The following RFPL1 variants were observed in gnomAD, a reference collection of about 807,000 sequenced individuals.
The protein encoded by RFPL1 is ret finger protein-like 1.
Under a neutral mutation model 9.6 loss-of-function variants are expected in RFPL1, and 6 were observed. The ratio of observed to expected loss-of-function variants is 0.62; its 90% CI spans 0.34 to 1.23. The LOEUF (loss-of-function observed/expected upper bound fraction) is 1.23, where lower values mean the gene tolerates loss of function less well. RFPL1 is among the 50% of genes most tolerant of loss of function. The pLI, the probability that RFPL1 is intolerant of heterozygous loss-of-function variation, is 0.03. For missense variants in RFPL1, 352 were observed against 398.4 expected, an observed-to-expected ratio of 0.88 and a Z score of 0.99; for synonymous variants, 145 against 149.4, an observed-to-expected ratio of 0.97 and a Z score of 0.22.
chr22:29,394,872 A>T, the RFPL1 span, among the ~76,000 whole-genome samples: 1 of 152,202 alleles, frequency 6.6e-6, no homozygotes, highest in African/African-American at 2.4e-5. Context: ...AGTCAAGGCC[A>T]GGGCTGATGA....
At chr22:29,421,544 T>C in the RFPL1 span, among the ~76,000 whole-genome samples, 1 of 149,490 alleles carries the variant, frequency 6.7e-6, no homozygotes, top group Admixed American at 6.7e-5. Flanking sequence ...CTCCAATTGC[T>C]TTCTCTCTTT....
At chr22:29,439,126 A>C (rs1213124432) in exon 1 of RFPL1, 1 of 1,614,226 alleles carries the variant, frequency 6.2e-7, no homozygotes, top group East Asian at 2.2e-5. Context: ...AAGCTGAAGA[A>C]GATTCTGCAG....
chr22:29,427,225 G>A, the RFPL1 span, among the ~76,000 whole-genome samples: 1 of 152,262 alleles, frequency 6.6e-6, no homozygotes, highest in Non-Finnish European at 1.5e-5. Flanking sequence ...GGAGGGCTGG[G>A]AAGTGCATCT....
At chr22:29,408,576 T>C in the RFPL1 span, among the ~76,000 whole-genome samples, 54 of 152,370 alleles carry the variant, frequency 3.5e-4, no homozygotes, top group African/African-American at 1.1e-3. Context: ...TTGTAAGATG[T>C]ATTTCTTTCT....
chr22:29,396,670 G>T, the RFPL1 span, among the ~76,000 whole-genome samples: 1 of 152,122 alleles, frequency 6.6e-6, no homozygotes, highest in African/African-American at 2.4e-5. Flanking sequence ...GTTGGAGGGA[G>T]GTCTTACCAT....
chr22:29,424,111 C>T, the RFPL1 span, among the ~76,000 whole-genome samples: 7 of 152,014 alleles, frequency 4.6e-5, no homozygotes, highest in Admixed American at 1.3e-4. Context: ...ACCCGGGAGA[C>T]GGAGGCTGCA....
At chr22:29,420,951 C>G in the RFPL1 span, among the ~76,000 whole-genome samples, 44 of 152,120 alleles carry the variant, frequency 2.9e-4, no homozygotes, top group Admixed American at 5.9e-4. Flanking sequence ...CCCCTGAGCC[C>G]TTCTCTAAGC....
intron 1 of RFPL1, chr22:29,440,648 T>C (rs2062833886): frequency 6.6e-6 from 1 of 152,136 alleles, no homozygotes; most frequent in Non-Finnish European, 1.5e-5. Context: ...TCTCTGCTCA[T>C]TGCAAGCTCC....
chr22:29,422,831 T>A, the RFPL1 span, among the ~76,000 whole-genome samples: 10 of 122,508 alleles, frequency 8.2e-5, no homozygotes, highest in East Asian at 8.7e-4. Flanking sequence ...ACACACTCTC[T>A]CTCTGCTGTG....
At chr22:29,417,098 G>C in the RFPL1 span, among the ~76,000 whole-genome samples, 1 of 152,046 alleles carries the variant, frequency 6.6e-6, no homozygotes, top group Non-Finnish European at 1.5e-5. Context: ...CAAAATGTAT[G>C]TGTCACCTTG....
At chr22:29,439,317 TACAG>T in intron 1 of RFPL1, 153 bp downstream of exon 1, 1 of 1,165,828 alleles carries the variant, frequency 8.6e-7, no homozygotes, top group Non-Finnish European at 1.2e-6. Context: ...CCTGACAACA[TACAG>T]AATCACCTGG....
At chr22:29,419,420 A>G in the RFPL1 span, among the ~76,000 whole-genome samples, 1 of 151,850 alleles carries the variant, frequency 6.6e-6, no homozygotes, top group Non-Finnish European at 1.5e-5. Flanking sequence ...GCCAGGCAAC[A>G]GTGAGGGATG....
the RFPL1 span, among the ~76,000 whole-genome samples, chr22:29,390,137 T>C: frequency 0.012 from 1,862 of 152,314 alleles, 34 homozygotes; most frequent in African/African-American, 0.042. Flanking sequence ...TTTCCCAAAA[T>C]AGTAAATACA....
chr22:29,403,552 A>G, the RFPL1 span, among the ~76,000 whole-genome samples: 2 of 152,134 alleles, frequency 1.3e-5, no homozygotes, highest in East Asian at 3.9e-4. Flanking sequence ...AGTGCAGGTG[A>G]GAGTCAACAG....
At position 29,439,449 on chromosome 22, in the gene RFPL1, C is replaced by T. The variant is rs546212434; in HGVS notation, c.373+285C>T. 148 of 412,062 alleles carry T rather than the reference C, an allele frequency of 3.6e-4. 4 individuals are homozygous for T. In the East Asian group the frequency reaches 4.9e-3, roughly 14 times the overall value. The allele number at this position is 412,062 out of a possible 1,614,324, so 25.5% of individuals were successfully genotyped here. On this transcript the variant is annotated intron_variant, in intron 1 of 1. Transcript: ENST00000354373. The stretch of plus-strand genomic sequence containing the variant: ...GAGATCGGGACCATCCTGGATAACA[C>T]GGTGAAACCCTGTCTCTACTAAAAA...
At chr22:29,397,259 G>T in the RFPL1 span, among the ~76,000 whole-genome samples, 313 of 152,302 alleles carry the variant, frequency 2.1e-3, no homozygotes, top group Middle Eastern at 0.02. Context: ...CAACAACTGA[G>T]ACAAATCTCT....
chr22:29,406,811 G>A, the RFPL1 span, among the ~76,000 whole-genome samples: 5 of 152,182 alleles, frequency 3.3e-5, no homozygotes, highest in East Asian at 3.8e-4. Context: ...AGGTTTGGAC[G>A]CCCGCTCCAA....
the RFPL1 span, among the ~76,000 whole-genome samples, chr22:29,389,037 C>T: frequency 6.6e-6 from 1 of 152,108 alleles, no homozygotes; most frequent in Non-Finnish European, 1.5e-5. Flanking sequence ...GCACTACGCC[C>T]GGCTAATTAC....
At chr22:29,422,279 A>C in the RFPL1 span, among the ~76,000 whole-genome samples, 1 of 152,182 alleles carries the variant, frequency 6.6e-6, no homozygotes, top group Non-Finnish European at 1.5e-5. Context: ...CCCCATCTCT[A>C]CTAAAAATAC....
Sources: gnomAD v4.1 joint callset for allele counts (sites outside exome capture counted in the v4.1 genomes callset) on GRCh38, gnomAD v4.1.1 for gene constraint, MANE v1.5 for transcripts, NCBI Gene and HGNC (gene_info 2026-07-23, HGNC 2026-07-21) for gene names.